The following RAD51AP1 variants were observed in gnomAD, a reference collection of about 807,000 sequenced individuals.
RAD51AP1 encodes RAD51 associated protein 1.
Under a neutral mutation model 34.3 loss-of-function variants are expected in RAD51AP1, and 14 were observed. The observed-to-expected ratio is 0.41, with a 90% CI of 0.27 to 0.64. The LOEUF (loss-of-function observed/expected upper bound fraction) is 0.64. Ranked by LOEUF, RAD51AP1 falls within the 30% of genes least tolerant of loss-of-function variation. RAD51AP1 has a pLI of 0.33. For synonymous variants in RAD51AP1, 114 were observed against 129.8 expected (o/e 0.88, Z 0.83); for missense variants, 348 against 386.9 (o/e 0.90, Z 0.84).
intron 8 of RAD51AP1, 95 bp downstream of exon 8, chr12:4,556,597 ATAT>A (rs764576072): frequency 7.3e-7 from 1 of 1,375,082 alleles, no homozygotes; most frequent in South Asian, 1.4e-5. Flanking sequence ...GCATTTCCCC[ATAT>A]TATTACATAT....
intron 3 of RAD51AP1, chr12:4,545,126 A>G (rs1383543451): frequency 9.7e-6 from 4 of 410,814 alleles, no homozygotes; most frequent in Admixed American, 8.6e-5. Context: ...CATTATTCAT[A>G]ATAGCTAAAA....
intron 7 of RAD51AP1, 33 bp from the exon 8 acceptor site, chr12:4,556,320 G>T: frequency 6.5e-7 from 1 of 1,538,154 alleles, no homozygotes; most frequent in South Asian, 1.1e-5. Context: ...CTTCCTGCAT[G>T]ACAAACATTT....
intron 3 of RAD51AP1, chr12:4,545,856 T>C (rs773901173): frequency 8.1e-6 from 13 of 1,602,206 alleles, no homozygotes; most frequent in Non-Finnish European, 1.1e-5. Flanking sequence ...AAAATATTTG[T>C]TAAAGTCTGG....
chr12:4,538,967 C>G lies in RAD51AP1; in HGVS notation c.17+11C>G. ...GGTGCGGCCTGTGAGGTGGGTAGTT[C>G]CTGACATTCGTCGGGGGTGGGAGGA... On this transcript the variant is annotated intron_variant, in intron 1 of 8. Coordinates refer to ENST00000352618, the MANE Select transcript of RAD51AP1 (RefSeq NM_006479.5). 1 of 1,613,568 alleles carries G rather than the reference C, an allele frequency of 6.2e-7. No homozygotes were observed. The highest frequency in any genetic ancestry group is 1.7e-5 in the Admixed American group (1 of 60,028).
chr12:4,558,416 G>T (rs755206007), intron 8 of RAD51AP1, among the ~76,000 whole-genome samples: 3 of 152,124 alleles, frequency 2.0e-5, no homozygotes, highest in Non-Finnish European at 4.4e-5. Context: ...ATAGTATAAT[G>T]AAACTAGTAT....
intron 8 of RAD51AP1, among the ~76,000 whole-genome samples, chr12:4,557,633 T>C (rs868180570): frequency 6.6e-5 from 10 of 152,062 alleles, no homozygotes; most frequent in African/African-American, 2.4e-4. Context: ...GATATAACTA[T>C]AGAAATTTAA....
Position 4,541,926 on chromosome 12 carries a change from C to T in RAD51AP1, c.60C>T (p.Asp20=). The part of the protein sequence containing the change: ...PVNYSQFDHS[D]SDDDFVSATV... ...ATTACTCACAGTTTGACCACTCTGA[C>T]AGTGATGGTAAGTAAAGCTTCTTAT... The change falls in exon 2 of 9, where the codon GAC becomes GAT. Residue 20 remains aspartate, a synonymous_variant. Coordinates refer to ENST00000352618, the MANE Select transcript of RAD51AP1 (RefSeq NM_006479.5). The T allele has an allele frequency of 6.6e-7, 1 of 1,519,322 alleles. No individual in the cohort carries two copies. The highest frequency in any genetic ancestry group is 8.9e-7 in the Non-Finnish European group (1 of 1,129,588). 94.1% of individuals were successfully genotyped at this position (1,519,322 alleles called of 1,614,324 possible). A position where few individuals can be genotyped will look rare whatever the true frequency, so the allele number is the denominator to read the frequency against.
rs368957431 is a variant in RAD51AP1, at chr12:4,556,457, C to T, written c.826C>T (p.Arg276Cys). ...TACCACTAGGAAACCATTAGAAATA[C>T]GCAGTCCTTCAGCTGAAAGCAAGAA... ...SDTTRKPLEI[R>C]SPSAESKKPK... The change falls in exon 8 of 9, where the codon CGC (arginine) becomes TGC (cysteine). Residue 276 changes from arginine (R) to cysteine (C), a missense_variant. Arg to Cys is a radical substitution (Grantham distance 180). Coordinates refer to ENST00000352618, the MANE Select transcript of RAD51AP1 (RefSeq NM_006479.5). 1.9e-5 allele frequency: 31 copies of T among 1,613,316 alleles called. No individual in the cohort carries two copies. The highest frequency in any genetic ancestry group is 1.6e-4 in the Middle Eastern group (1 of 6,084).
At chr12:4,551,510 A>AAAAC in intron 6 of RAD51AP1, among the ~76,000 whole-genome samples, 1 of 151,722 alleles carries the variant, frequency 6.6e-6, no homozygotes, top group Non-Finnish European at 1.5e-5. Flanking sequence ...AAAAAAAAAA[A>AAAAC]AGCAAGATTA....
intron 6 of RAD51AP1, 47 bp from the exon 7 acceptor site, chr12:4,552,936 T>C (rs1944556388): frequency 2.7e-6 from 4 of 1,475,134 alleles, no homozygotes; most frequent in Non-Finnish European, 3.6e-6. Flanking sequence ...GGCAACAGAA[T>C]CCTCACTTTT....
At chr12:4,541,986 G>T in intron 2 of RAD51AP1, 53 bp downstream of exon 2, 1 of 1,208,386 alleles carries the variant, frequency 8.3e-7, no homozygotes, top group South Asian at 1.8e-5. Flanking sequence ...CATTTCCTCG[G>T]AATTTATATG....
At chr12:4,556,667 A>G in intron 8 of RAD51AP1, 165 bp downstream of exon 8, 1 of 692,668 alleles carries the variant, frequency 1.4e-6, no homozygotes, top group South Asian at 2.2e-5. Context: ...ACCATTCCTT[A>G]TTATTGGACA....
intron 7 of RAD51AP1, among the ~76,000 whole-genome samples, chr12:4,556,127 G>A (rs545022077): frequency 4.2e-4 from 64 of 152,244 alleles, no homozygotes; most frequent in African/African-American, 1.5e-3. Flanking sequence ...ATCTGTATTG[G>A]AGTTGTTGTA....
chr12:4,546,164 C>G, intron 3 of RAD51AP1, 145 bp from the exon 4 acceptor site: 1 of 621,110 alleles, frequency 1.6e-6, no homozygotes, highest in Non-Finnish European at 2.8e-6. Context: ...ATCTTATCAT[C>G]AAAGGTCTAT....
At position 4,550,008 on chromosome 12, in the gene RAD51AP1, A is replaced by G. The variant is rs189879473; in HGVS notation, c.556+1172A>G. On this transcript the variant is annotated intron_variant, in intron 6 of 8. Coordinates refer to ENST00000352618, the MANE Select transcript of RAD51AP1 (RefSeq NM_006479.5). ...CTGCATTCGCTTGTCCTGGATGAGAATAGAAAGGACCATGTGTGACCTTCA... is the reference window on the plus strand; with the variant it reads ...CTGCATTCGCTTGTCCTGGATGAGAGTAGAAAGGACCATGTGTGACCTTCA... Among the ~76,000 whole-genome samples the G allele has an allele frequency of 1.1e-3, 166 of 152,354 alleles. 1 individual carries two copies. The highest frequency in any genetic ancestry group is 6.8e-3 in the Middle Eastern group (2 of 294).
chr12:4,558,656 C>T (rs1944599324), intron 8 of RAD51AP1, among the ~76,000 whole-genome samples: 1 of 152,044 alleles, frequency 6.6e-6, no homozygotes, highest in Non-Finnish European at 1.5e-5. Context: ...ACCTTGGCTT[C>T]TGGGATGTTT....
rs1944608263 is a variant in RAD51AP1 at position 4,559,782 on chromosome 12, C to T, written c.*789C>T. On this transcript the variant is annotated 3_prime_UTR_variant, in exon 9 of 9. Transcript: ENST00000352618. ...TTCTTTAGAAAGTAGTTGTCAAGTA[C>T]TTAGTCATCCCTATTATGATATGAG... 6.6e-6 allele frequency: 1 copy of T among 152,132 alleles called. No individual in the cohort carries two copies. The highest frequency in any genetic ancestry group is 1.5e-5 in the Non-Finnish European group (1 of 68,018). The allele number at this position is 152,132 out of a possible 1,614,324, so 9.4% of individuals were successfully genotyped here. A position where few individuals can be genotyped will look rare whatever the true frequency, so the allele number is the denominator to read the frequency against.
chr12:4,539,038 G>A (rs1299961978), intron 1 of RAD51AP1, 82 bp downstream of exon 1: 2 of 1,505,868 alleles, frequency 1.3e-6, no homozygotes, highest in African/African-American at 1.4e-5. Context: ...GATCGAGTAA[G>A]ACCGGAGGGC....
intron 7 of RAD51AP1, among the ~76,000 whole-genome samples, chr12:4,556,030 T>G (rs1248874852): frequency 6.6e-6 from 1 of 152,184 alleles, no homozygotes; most frequent in Non-Finnish European, 1.5e-5. Flanking sequence ...AAAATCTGGT[T>G]TCTAAGCTTA....
Sources: allele counts gnomAD v4.1 joint callset (sites outside exome capture counted in the v4.1 genomes callset), GRCh38; gene constraint gnomAD v4.1.1; transcripts MANE v1.5; gene names NCBI Gene and HGNC (gene_info 2026-07-23, HGNC 2026-07-21).